ITSN1: variants seen among roughly 807,000 people sequenced by gnomAD.
ITSN1 encodes intersectin-1.
ITSN1 carries 58 observed loss-of-function variants against 239.8 expected under a neutral mutation model. The observed-to-expected ratio is 0.24, with a 90% CI of 0.20 to 0.30. The LOEUF (loss-of-function observed/expected upper bound fraction) is 0.30. Ranked by LOEUF, ITSN1 falls within the 10% of genes least tolerant of loss-of-function variation. The probability of loss-of-function intolerance (pLI) is 1.00; values close to 1 mark genes in which losing one functional copy is unlikely to be tolerated. For missense variants in ITSN1, 1,558 were observed against 2,103.3 expected, an observed-to-expected ratio of 0.74 and a Z score of 5.07; for synonymous variants, 780 against 770.8, an observed-to-expected ratio of 1.01 and a Z score of -0.20.
intron 4 of ITSN1, among the ~76,000 whole-genome samples, chr21:33,734,735 A>G (rs768823805): frequency 1.8e-4 from 27 of 152,306 alleles, no homozygotes; most frequent in South Asian, 6.2e-4. Flanking sequence ...GACAGTCACT[A>G]TTAGCTAATT....
At position 33,890,279 on chromosome 21, in the gene ITSN1, T is replaced by A. The variant is rs1986271445; in HGVS notation, c.*1979T>A. 6.6e-6 allele frequency: 1 copy of A among 152,130 alleles called. No individual in the cohort carries two copies. The allele number at this position is 152,130 out of a possible 1,614,324, so 9.4% of individuals were successfully genotyped here. A position where few individuals can be genotyped will look rare whatever the true frequency, so the allele number is the denominator to read the frequency against. On this transcript the variant is annotated 3_prime_UTR_variant, in exon 40 of 40. Coordinates refer to ENST00000381318, the MANE Select transcript of ITSN1 (RefSeq NM_003024.3). The stretch of plus-strand genomic sequence containing the variant: ...AAAAGTATTCAATGTGTAAATGGGG[T>A]AGTGTGGGTCACCATTCCGATCTCT...
chr21:33,665,931 CTT>C (rs777504321), intron 1 of ITSN1, among the ~76,000 whole-genome samples: 23 of 139,280 alleles, frequency 1.7e-4, no homozygotes, highest in Non-Finnish European at 1.7e-4. Context: ...TGTATGGTTC[CTT>C]TTTTTTTTTT....
At chr21:33,693,203 A>G (rs988548349) in intron 1 of ITSN1, among the ~76,000 whole-genome samples, 1 of 152,156 alleles carries the variant, frequency 6.6e-6, no homozygotes, top group Admixed American at 6.5e-5. Flanking sequence ...ACAATTTTTT[A>G]TGTGATTTTA....
At position 33,807,343 on chromosome 21, in the gene ITSN1, C is replaced by T. The variant is rs1161174675; in HGVS notation, c.2320-3632C>T. Among the ~76,000 whole-genome samples, 3 of 152,126 alleles carry T rather than the reference C, an allele frequency of 2.0e-5. No homozygotes were observed. In the East Asian group the frequency reaches 5.8e-4, roughly 29 times the overall value. The stretch of plus-strand genomic sequence containing the variant: ...AGGACATTTCCCCAGGGCTTCAGGT[C>T]GCATTCCAGATGTCCACCAGTGTCT... On this transcript the variant is annotated intron_variant, in intron 20 of 39. Transcript: ENST00000381318.
At chr21:33,707,371 C>T (rs888323612) in intron 1 of ITSN1, among the ~76,000 whole-genome samples, 4 of 152,036 alleles carry the variant, frequency 2.6e-5, no homozygotes, top group African/African-American at 4.8e-5. Context: ...AGTGATGCTC[C>T]CACCTTGGCA....
intron 5 of ITSN1, among the ~76,000 whole-genome samples, chr21:33,737,262 C>T (rs1295236731): frequency 1.3e-5 from 2 of 152,154 alleles, no homozygotes; most frequent in Non-Finnish European, 2.9e-5. Context: ...CGTTAAGTAA[C>T]CTGCTACTGT....
chr21:33,862,446 G>A (rs1367075081), intron 31 of ITSN1, among the ~76,000 whole-genome samples: 1 of 152,220 alleles, frequency 6.6e-6, no homozygotes, highest in Non-Finnish European at 1.5e-5. Context: ...GGTAATGACA[G>A]ATGGTGAGAA....
At chr21:33,857,362 T>C (rs879420056) in intron 30 of ITSN1, among the ~76,000 whole-genome samples, 1 of 152,194 alleles carries the variant, frequency 6.6e-6, no homozygotes, top group East Asian at 1.9e-4. Flanking sequence ...GCCCCTGACC[T>C]GAGTGATGCC....
rs554963245 is a variant in ITSN1, at chr21:33,748,321, G to A, written c.347-1822G>A. Among the ~76,000 whole-genome samples, 6 of 152,132 alleles carry A rather than the reference G, an allele frequency of 3.9e-5. No homozygotes were observed. The South Asian group carries it at 6.2e-4, about 16-fold the overall frequency. On this transcript the variant is annotated intron_variant, in intron 5 of 39. Transcript: ENST00000381318. ...AAAACTTAGCTGCATTTGGTGGTGC[G>A]TGTCTATAGTCCCAGCTACTTGGAG... is the stretch of plus-strand genomic sequence containing the variant.
chr21:33,833,412 C>G (rs186261242), intron 27 of ITSN1, among the ~76,000 whole-genome samples: 1 of 152,144 alleles, frequency 6.6e-6, no homozygotes, highest in African/African-American at 2.4e-5. Context: ...ATGTATATTA[C>G]CCATAAAGGA....
rs1390007295 is a variant in ITSN1 at position 33,896,993 on chromosome 21, C to G, written c.*8693C>G. The G allele has an allele frequency of 6.6e-6, 1 of 152,170 alleles. No homozygotes were observed. Among genetic ancestry groups the G allele is most frequent in the Non-Finnish European group, 1.5e-5 (1 of 68,036 alleles). 9.4% of individuals were successfully genotyped at this position (152,170 alleles called of 1,614,324 possible). A position where few individuals can be genotyped will look rare whatever the true frequency, so the allele number is the denominator to read the frequency against. On this transcript the variant is annotated 3_prime_UTR_variant, in exon 40 of 40. Transcript: ENST00000381318. ...ATGCGTCATGCAATCTTCCGGACTA[C>G]GGGAAGTTCTGCAAGTGTTCTCCAG...
intron 29 of ITSN1, among the ~76,000 whole-genome samples, chr21:33,842,354 A>G (rs774688463): frequency 6.6e-6 from 1 of 152,244 alleles, no homozygotes; most frequent in Non-Finnish European, 1.5e-5. Context: ...TTTAAGTTGT[A>G]TGACCTGATT....
At chr21:33,647,011 A>T (rs2146065264) in intron 1 of ITSN1, among the ~76,000 whole-genome samples, 3 of 152,076 alleles carry the variant, frequency 2.0e-5, no homozygotes, top group Middle Eastern at 3.4e-3. Context: ...AAAAAAGTTT[A>T]TTGCTAACTC....
chr21:33,883,421 GCA>G (rs1384379365), intron 35 of ITSN1, 127 bp from the exon 36 acceptor site: 44 of 1,250,876 alleles, frequency 3.5e-5, no homozygotes, highest in African/African-American at 1.2e-4. Flanking sequence ...GCACGAGTGT[GCA>G]CACACGCGCT....
chr21:33,693,405 G>A (rs1487775421), intron 1 of ITSN1, among the ~76,000 whole-genome samples: 1 of 151,946 alleles, frequency 6.6e-6, no homozygotes, highest in African/African-American at 2.4e-5. Flanking sequence ...TGTCCAGGCT[G>A]GAGTGCAATG....
At chr21:33,848,991 A>G (rs2075071625) in intron 29 of ITSN1, among the ~76,000 whole-genome samples, 1 of 152,272 alleles carries the variant, frequency 6.6e-6, no homozygotes, top group African/African-American at 2.4e-5. Context: ...CTGTAATCCC[A>G]GCACTTTGGG....
In ITSN1 at chr21:33,826,145, C is replaced by G. The variant is rs573860968; in HGVS notation, c.3184-673C>G. 2.6e-5 allele frequency among the ~76,000 whole-genome samples: 4 copies of G among 152,298 alleles called. No homozygotes were observed. In the East Asian group the frequency reaches 7.7e-4, roughly 29 times the overall value. ...CCCAGAGAGGAATTCAACCCCAGAGCACTTTTTAAACACTTGATAGTTGGG... is the reference window on the plus strand; with the variant it reads ...CCCAGAGAGGAATTCAACCCCAGAGGACTTTTTAAACACTTGATAGTTGGG... On this transcript the variant is annotated intron_variant, in intron 25 of 39. Coordinates refer to ENST00000381318, the MANE Select transcript of ITSN1 (RefSeq NM_003024.3).
At chr21:33,778,571 CTTTT>C (rs397948229) in intron 14 of ITSN1, among the ~76,000 whole-genome samples, 1 of 63,942 alleles carries the variant, frequency 1.6e-5, no homozygotes, top group Non-Finnish European at 2.5e-5. Context: ...ATAATATTCT[CTTTT>C]TTTTTTTTTT....
At position 33,794,421 on chromosome 21, in the gene ITSN1, A is replaced by G. The variant is rs1199969790; in HGVS notation, c.1905A>G (p.Gln635=). 7.4e-6 allele frequency: 12 copies of G among 1,613,918 alleles called. No homozygotes were observed. The highest frequency in any genetic ancestry group is 1.7e-5 in the Admixed American group (1 of 59,974). ...MEAERLKQKE[Q]ERKIIELEKQ... ...CTGAACGACTGAAACAGAAAGAACA[A>G]GAACGAAAGATCATAGAATTAGAAA... The change falls in exon 17 of 40, where the codon CAA becomes CAG. Residue 635 remains glutamine (Q), a synonymous_variant. Transcript: ENST00000381318.
Sources: gnomAD v4.1 joint callset for allele counts (sites outside exome capture counted in the v4.1 genomes callset) on GRCh38, gnomAD v4.1.1 for gene constraint, MANE v1.5 for transcripts, NCBI Gene and HGNC (gene_info 2026-07-23, HGNC 2026-07-21) for gene names.